The following GRIK5 variants were observed in gnomAD, a reference collection of about 807,000 sequenced individuals.
GRIK5 encodes the protein glutamate ionotropic receptor kainate type subunit 5.
A neutral mutation model predicts 97.4 loss-of-function variants in GRIK5; 43 were observed. The ratio of observed to expected loss-of-function variants is 0.44; its 90% confidence interval spans 0.35 to 0.57. The LOEUF (loss-of-function observed/expected upper bound fraction) is 0.57. Among genes scored for constraint, GRIK5 ranks in the 20% least tolerant of loss-of-function variants. GRIK5 has a pLI of 0.01. For missense variants in GRIK5, 1,015 were observed against 1,382.0 expected (o/e 0.73, Z 4.21); for synonymous variants, 580 against 583.5 (o/e 0.99, Z 0.09).
Position 42,056,987 on chromosome 19 carries a change from C to G in GRIK5, c.688-9G>C. ...ATTCCCAGTTCCGAGGCCTGGAAAACACAGGAGGCAAAGAGGCAGAGTGAG... is the reference window on the plus strand; with the variant it reads ...ATTCCCAGTTCCGAGGCCTGGAAAAGACAGGAGGCAAAGAGGCAGAGTGAG... On this transcript the variant is annotated splice_polypyrimidine_tract_variant and intron_variant, in intron 6 of 19. Transcript: ENST00000593562. 1 of 1,551,692 alleles carries G rather than the reference C, an allele frequency of 6.4e-7. No individual in the cohort carries two copies. Among genetic ancestry groups the G allele is most frequent in the Non-Finnish European group, 8.7e-7 (1 of 1,146,512 alleles).
chr19:42,053,760 CA>C (rs775889386), intron 10 of GRIK5, 51 bp from the exon 11 acceptor site: 2 of 1,550,186 alleles, frequency 1.3e-6, no homozygotes, highest in South Asian at 2.2e-5. Context: ...GAGGTCATGG[CA>C]GCCTCTGGGC....
In GRIK5 at chr19:42,003,056, TCTTG is replaced by T. The variant is rs1485506990; in HGVS notation, c.2514+272_2514+275del. Among the ~76,000 whole-genome samples the T allele has an allele frequency of 7.9e-5, 12 of 152,118 alleles. No individual in the cohort carries two copies. The highest frequency in any genetic ancestry group is 2.7e-4 in the African/African-American group (11 of 41,476). On this transcript the variant is annotated intron_variant, in intron 19 of 19. Coordinates refer to ENST00000593562, the MANE Select transcript of GRIK5 (RefSeq NM_002088.5). This position sits in a 1 kb window ranked among gnomAD's most constrained non-coding sequence, Gnocchi z 4.2. ...TGGCCCTGTTTCTCTTCTTATTTCT[TCTTG>T]CTTTTCTGCCTCTGTGGCTCCCCAC...
chr19:42,022,078 C>A lies in GRIK5; in HGVS notation c.1588-22G>T, dbSNP rs776686942. ...GGCCCTGTGGGGAGAGGGAGTGAGA[C>A]CCGGAGACACCCCTGGCCTGAGCCT... On this transcript the variant is annotated intron_variant, in intron 13 of 19. Coordinates refer to ENST00000593562, the MANE Select transcript of GRIK5 (RefSeq NM_002088.5). This position sits in a 1 kb window ranked among gnomAD's most constrained non-coding sequence, Gnocchi z 4.2. 31 of 1,550,036 alleles carry A rather than the reference C, an allele frequency of 2.0e-5. No homozygotes were observed. The highest frequency in any genetic ancestry group is 2.7e-5 in the Non-Finnish European group (30 of 1,126,872).
chr19:42,025,415 T>C (rs1371480490), intron 12 of GRIK5, among the ~76,000 whole-genome samples: 1 of 151,780 alleles, frequency 6.6e-6, no homozygotes, highest in African/African-American at 2.4e-5. Flanking sequence ...CCCAGGTGAG[T>C]GACTCCTCCC....
At chr19:42,051,021 T>C (rs563918914) in intron 11 of GRIK5, among the ~76,000 whole-genome samples, 1 of 152,250 alleles carries the variant, frequency 6.6e-6, no homozygotes, top group African/African-American at 2.4e-5. Context: ...GTTAAGTGAC[T>C]TGAACTAATA....
At position 42,062,552 on chromosome 19, in the gene GRIK5, C is replaced by G; in HGVS notation, c.444G>C (p.Ala148=). Residue 148 remains alanine, a synonymous_variant, in exon 5 of 20, where the codon GCG becomes GCC. Coordinates refer to ENST00000593562, the MANE Select transcript of GRIK5 (RefSeq NM_002088.5). This position sits in a 1 kb window ranked among gnomAD's most constrained non-coding sequence, Gnocchi z 5.3. ...TGAAGGACTTGAGGATTCGGGAGAC[C>G]GCCAAGCTGACGTCCTCGTTACTGG... ...LYPSNEDVSL[A]VSRILKSFNY... is the part of the protein sequence containing the mutation. The G allele has an allele frequency of 1.9e-6, 3 of 1,614,144 alleles. No homozygotes were observed. The South Asian group carries it at 3.3e-5, about 18-fold the overall frequency.
chr19:42,025,180 C>T (rs1028401289), intron 12 of GRIK5, among the ~76,000 whole-genome samples: 49 of 152,150 alleles, frequency 3.2e-4, no homozygotes, highest in African/African-American at 1.2e-3. Flanking sequence ...CAGCACTTAC[C>T]CCATGCAGCC....
chr19:42,005,346 AT>A (rs1365173861), intron 17 of GRIK5, among the ~76,000 whole-genome samples: 1 of 151,642 alleles, frequency 6.6e-6, no homozygotes, highest in Non-Finnish European at 1.5e-5. Context: ...TCTTACAAGC[AT>A]TTTTCAAGCA....
chr19:42,011,552 C>CAAA (rs58029855), intron 15 of GRIK5, among the ~76,000 whole-genome samples: 2 of 65,150 alleles, frequency 3.1e-5, no homozygotes, highest in Admixed American at 1.7e-4. Flanking sequence ...GACTCCGTCT[C>CAAA]AAAAAAAAAA....
At chr19:42,067,187 C>T (rs947084340) in intron 1 of GRIK5, among the ~76,000 whole-genome samples, 3 of 152,164 alleles carry the variant, frequency 2.0e-5, no homozygotes, top group Admixed American at 6.5e-5. Context: ...GCCTGGACAC[C>T]GGACCCCACT....
chr19:42,024,483 G>A (rs1392915790), intron 12 of GRIK5, among the ~76,000 whole-genome samples: 1 of 152,152 alleles, frequency 6.6e-6, no homozygotes, highest in African/African-American at 2.4e-5. Flanking sequence ...AAAGTGTTGG[G>A]ATTACAGGCG....
chr19:42,053,032 A>T (rs1400567730), intron 11 of GRIK5, among the ~76,000 whole-genome samples: 2 of 152,174 alleles, frequency 1.3e-5, no homozygotes, highest in Non-Finnish European at 2.9e-5. Flanking sequence ...TGACATACAA[A>T]GGCCCCTCTG....
intron 19 of GRIK5, among the ~76,000 whole-genome samples, chr19:42,000,221 G>A (rs2146005012): frequency 6.6e-6 from 1 of 152,334 alleles, no homozygotes; most frequent in South Asian, 2.1e-4. Flanking sequence ...TTTAGGTAGA[G>A]GAGTGCTGTG....
In GRIK5 at chr19:42,065,287, C is replaced by A; in HGVS notation, c.180G>T (p.Lys60Asn). ...CAAAGATGTCTACTTCCACTCGGGC[C>A]TTGGCTGGGACCTCGATGATCCCGT... ...QINGIIEVPA[K>N]ARVEVDIFEL... Residue 60 changes from lysine to asparagine, a missense_variant, in exon 3 of 20, where the codon AAG becomes AAT. By Grantham distance (94) the Lys-to-Asn change is moderately conservative. This residue lies in a region of GRIK5 where 198 missense variants were observed against 218.2 expected (regional missense o/e 0.91). Transcript: ENST00000593562. This position sits in a 1 kb window ranked among gnomAD's most constrained non-coding sequence, Gnocchi z 5.8. 6.2e-7 allele frequency: 1 copy of A among 1,613,284 alleles called. No individual in the cohort carries two copies. Among genetic ancestry groups the A allele is most frequent in the Non-Finnish European group, 8.5e-7 (1 of 1,179,892 alleles).
intron 15 of GRIK5, among the ~76,000 whole-genome samples, chr19:42,007,373 G>A (rs1260013355): frequency 6.6e-6 from 1 of 152,218 alleles, no homozygotes; most frequent in Non-Finnish European, 1.5e-5. Flanking sequence ...GGGATTACAG[G>A]AGTGAGCGAC....
chr19:42,061,615 G>A (rs372080071), intron 5 of GRIK5, among the ~76,000 whole-genome samples: 17 of 152,166 alleles, frequency 1.1e-4, no homozygotes, highest in East Asian at 3.9e-4. Context: ...CACCATGCCC[G>A]ACGTGTGCCC....
chr19:42,023,359 T>A (rs1348012374), intron 12 of GRIK5, among the ~76,000 whole-genome samples: 1 of 152,180 alleles, frequency 6.6e-6, no homozygotes, highest in Non-Finnish European at 1.5e-5. Flanking sequence ...TCCTGGGTGT[T>A]GAGCATAGGG....
chr19:42,032,873 C>T (rs988667160), intron 12 of GRIK5, among the ~76,000 whole-genome samples: 5 of 152,220 alleles, frequency 3.3e-5, no homozygotes, highest in Admixed American at 2.0e-4. Flanking sequence ...CTCTCATCCA[C>T]ACCCTCCAAC....
chr19:42,033,051 G>A (rs1364450009), intron 12 of GRIK5, among the ~76,000 whole-genome samples: 1 of 152,232 alleles, frequency 6.6e-6, no homozygotes, highest in Non-Finnish European at 1.5e-5. Context: ...CAGGCGCAGT[G>A]GCTCACGCCT....
Sources: gnomAD v4.1 joint callset for allele counts (sites outside exome capture counted in the v4.1 genomes callset) on GRCh38, gnomAD v4.1.1 for gene constraint, gnomAD v4.1.1 regional missense constraint, Gnocchi (gnomAD v3.1) non-coding constraint, MANE v1.5 for transcripts, NCBI Gene and HGNC (gene_info 2026-07-23, HGNC 2026-07-21) for gene names.